PRKN: variants seen among roughly 807,000 people sequenced by gnomAD.
PRKN encodes the protein E3 ubiquitin-protein ligase parkin.
PRKN carries 56 observed loss-of-function variants against 59.5 expected under a neutral mutation model. The observed-to-expected ratio is 0.94, with a 90% CI of 0.76 to 1.18. PRKN has a LOEUF of 1.18. Ranked by LOEUF, PRKN falls within the 50% of genes most tolerant of loss-of-function variation. PRKN has a pLI of 0.00. For missense variants in PRKN, 657 were observed against 596.4 expected, an observed-to-expected ratio of 1.10 and a Z score of -1.06; for synonymous variants, 250 against 222.1, an observed-to-expected ratio of 1.13 and a Z score of -1.12.
At chr6:161,835,627 C>T (rs1792719186) in intron 6 of PRKN, among the ~76,000 whole-genome samples, 1 of 152,178 alleles carries the variant, frequency 6.6e-6, no homozygotes, top group Non-Finnish European at 1.5e-5. Context: ...CGGGGATAGG[C>T]GGCACCGGCT....
In PRKN at chr6:162,079,075, T is replaced by C. The variant is rs558902168; in HGVS notation, c.535-24901A>G. ...ACAGTCATGAAGGAGGTAGAAAAGT[T>C]AACATGAAATTCCCAAAGCTCAGCA... On this transcript the variant is annotated intron_variant, in intron 4 of 11. Transcript: ENST00000366898. Among the ~76,000 whole-genome samples, 112 of 152,118 alleles carry C rather than the reference T, an allele frequency of 7.4e-4. 1 individual carries two copies. The highest frequency in any genetic ancestry group is 2.5e-3 in the African/African-American group (103 of 41,446).
In PRKN at chr6:162,356,858, G is replaced by A. The variant is rs553942320; in HGVS notation, c.171+86452C>T. Among the ~76,000 whole-genome samples, 55 of 151,416 alleles carry A rather than the reference G, an allele frequency of 3.6e-4. No homozygotes were observed. The South Asian group carries it at 0.011, about 31-fold the overall frequency. ...AACTGATCTTTGACAAAGAGGCAAAGGCAATAGAATGGAGAAATAATCATC... is the reference window on the plus strand; with the variant it reads ...AACTGATCTTTGACAAAGAGGCAAAAGCAATAGAATGGAGAAATAATCATC... On this transcript the variant is annotated intron_variant, in intron 2 of 11. Coordinates refer to ENST00000366898, the MANE Select transcript of PRKN (RefSeq NM_004562.3).
At chr6:162,651,427 A>C (rs763082629) in intron 1 of PRKN, among the ~76,000 whole-genome samples, 1 of 152,032 alleles carries the variant, frequency 6.6e-6, no homozygotes, top group Non-Finnish European at 1.5e-5. Flanking sequence ...TGAAAAGGAG[A>C]CTCCATCTAT....
At chr6:162,173,078 T>C (rs1783362700) in intron 4 of PRKN, among the ~76,000 whole-genome samples, 1 of 152,152 alleles carries the variant, frequency 6.6e-6, no homozygotes, top group Admixed American at 6.6e-5. Flanking sequence ...TACCTCCCCA[T>C]TTCTCAATGC....
At chr6:162,431,089 T>G (rs959624072) in intron 2 of PRKN, among the ~76,000 whole-genome samples, 2 of 152,068 alleles carry the variant, frequency 1.3e-5, no homozygotes, top group African/African-American at 4.8e-5. Flanking sequence ...TGGCAGGTTT[T>G]GCAGGGAAAC....
chr6:162,062,571 T>C (rs1339945589), intron 4 of PRKN, among the ~76,000 whole-genome samples: 4 of 152,156 alleles, frequency 2.6e-5, no homozygotes, highest in Non-Finnish European at 5.9e-5. Context: ...ATATGACTGA[T>C]GTCCTTAAAA....
At chr6:161,424,999 T>C (rs182253578) in intron 9 of PRKN, among the ~76,000 whole-genome samples, 3 of 152,302 alleles carry the variant, frequency 2.0e-5, no homozygotes, top group East Asian at 1.9e-4. Flanking sequence ...AAAGTACTCA[T>C]AGGCCCACAT....
At chr6:161,750,407 T>C (rs1788637326) in intron 7 of PRKN, among the ~76,000 whole-genome samples, 1 of 152,118 alleles carries the variant, frequency 6.6e-6, no homozygotes, top group South Asian at 2.1e-4. Flanking sequence ...TGATCTCAAA[T>C]AGCTATAAAT....
intron 7 of PRKN, among the ~76,000 whole-genome samples, chr6:161,666,661 T>G (rs1784737450): frequency 6.6e-6 from 1 of 152,158 alleles, no homozygotes; most frequent in Non-Finnish European, 1.5e-5. Flanking sequence ...TTCCCAGAAA[T>G]TATGGTTGCT....
intron 7 of PRKN, among the ~76,000 whole-genome samples, chr6:161,750,777 A>AG (rs1363823975): frequency 6.6e-6 from 1 of 151,990 alleles, no homozygotes; most frequent in Non-Finnish European, 1.5e-5. Flanking sequence ...TCAAAAAAAA[A>AG]AAAAAAAGTA....
chr6:162,346,853 G>T (rs550929017), intron 2 of PRKN, among the ~76,000 whole-genome samples: 5 of 151,950 alleles, frequency 3.3e-5, no homozygotes, highest in African/African-American at 1.2e-4. Flanking sequence ...ATCCTAGAGG[G>T]TTGTGAGATA....
At chr6:162,500,729 T>A (rs990423415) in intron 1 of PRKN, among the ~76,000 whole-genome samples, 1 of 152,222 alleles carries the variant, frequency 6.6e-6, no homozygotes, top group East Asian at 1.9e-4. Context: ...TCTTAATGAA[T>A]ACACAATATG....
intron 3 of PRKN, among the ~76,000 whole-genome samples, chr6:162,218,605 T>C (rs1777802333): frequency 1.3e-5 from 2 of 152,288 alleles, no homozygotes; most frequent in South Asian, 2.1e-4. Context: ...TAGCAAAATA[T>C]GGAAACCATT....
intron 5 of PRKN, among the ~76,000 whole-genome samples, chr6:162,011,671 G>C (rs907306557): frequency 1.3e-5 from 2 of 149,416 alleles, no homozygotes; most frequent in Non-Finnish European, 3.0e-5. Flanking sequence ...AGCGGTGTTT[G>C]TTCCATAGTG....
rs938917918 is a variant in PRKN, at chr6:161,578,524, C to T, written c.872-9108G>A. 4.6e-5 allele frequency among the ~76,000 whole-genome samples: 7 copies of T among 152,120 alleles called. No individual in the cohort carries two copies. Among genetic ancestry groups the T allele is most frequent in the African/African-American group, 1.7e-4 (7 of 41,422 alleles). On this transcript the variant is annotated intron_variant, in intron 7 of 11. Coordinates refer to ENST00000366898, the MANE Select transcript of PRKN (RefSeq NM_004562.3). This position sits in a 1 kb window ranked among gnomAD's most constrained non-coding sequence, Gnocchi z 4.2. ...CCTTAGGACTTTGTCTCACTGTGTC[C>T]ACTGACCCCAAACTACTATGTCATT...
rs560290777 is a variant in PRKN, at chr6:161,475,726, C to T, written c.1083+73128G>A. ...CTGAGCTCAAGGAATCTGCTCGCCT[C>T]GGTCTCCCAAAGTGCTGGGATTACA... is the stretch of plus-strand genomic sequence containing the variant. On this transcript the variant is annotated intron_variant, in intron 9 of 11. Transcript: ENST00000366898. The surrounding 1 kb of genome is among the most constrained non-coding windows in gnomAD (Gnocchi z 5.3). Among the ~76,000 whole-genome samples, 3 of 152,186 alleles carry T rather than the reference C, an allele frequency of 2.0e-5. No individual in the cohort carries two copies. The highest frequency in any genetic ancestry group is 2.9e-5 in the Non-Finnish European group (2 of 68,010).
chr6:162,508,274 T>C (rs1247680199), intron 1 of PRKN, among the ~76,000 whole-genome samples: 2 of 152,016 alleles, frequency 1.3e-5, no homozygotes, highest in Non-Finnish European at 2.9e-5. Context: ...TCCCACCAGG[T>C]CCCTCCCACA....
intron 2 of PRKN, among the ~76,000 whole-genome samples, chr6:162,433,689 C>A (rs972600586): frequency 7.3e-6 from 1 of 137,004 alleles, no homozygotes; most frequent in African/African-American, 3.1e-5. Context: ...CTATCTTAAA[C>A]AAATGTTTGT....
intron 5 of PRKN, among the ~76,000 whole-genome samples, chr6:161,979,698 TCTC>T (rs898914192): frequency 2.0e-5 from 3 of 152,178 alleles, no homozygotes; most frequent in Non-Finnish European, 2.9e-5. Flanking sequence ...CTTCCATTCT[TCTC>T]TTTCATCATA....
Sources: allele counts gnomAD v4.1 joint callset (sites outside exome capture counted in the v4.1 genomes callset), GRCh38; gene constraint gnomAD v4.1.1; non-coding constraint Gnocchi (gnomAD v3.1); transcripts MANE v1.5; gene names NCBI Gene and HGNC (gene_info 2026-07-23, HGNC 2026-07-21).